Variants in SHPRH observed in about 807,000 individuals in gnomAD.
The protein encoded by SHPRH is SNF2 histone linker PHD RING helicase.
Under a neutral mutation model 202.5 loss-of-function variants are expected in SHPRH, and 106 were observed. That is an observed-to-expected ratio of 0.52 (90% CI 0.45 to 0.62). SHPRH has a LOEUF of 0.62. SHPRH is among the 20% of genes least tolerant of loss of function. The pLI, the probability that SHPRH is intolerant of heterozygous loss-of-function variation, is 0.00. For synonymous variants in SHPRH, 729 were observed against 686.0 expected (o/e 1.06, Z -0.98); for missense variants, 1,710 against 2,020.0 (o/e 0.85, Z 2.94).
Position 145,933,190 on chromosome 6 carries a change from G to C in SHPRH, c.2991-12C>G. ...CCATTGTCATGGTGCTAAAAGAAAAGGTAGACTGTTCAAAACTAGAAAGAA... is the reference window on the plus strand; with the variant it reads ...CCATTGTCATGGTGCTAAAAGAAAACGTAGACTGTTCAAAACTAGAAAGAA... On this transcript the variant is annotated splice_polypyrimidine_tract_variant and intron_variant, in intron 13 of 29. Coordinates refer to ENST00000275233, the MANE Select transcript of SHPRH (RefSeq NM_001042683.3). The C allele has an allele frequency of 1.2e-6, 2 of 1,613,742 alleles. No homozygotes were observed. Among genetic ancestry groups the C allele is most frequent in the Non-Finnish European group, 1.7e-6 (2 of 1,179,838 alleles).
chr6:145,903,483 T>C (rs1782685234), intron 25 of SHPRH: 1 of 152,044 alleles, frequency 6.6e-6, no homozygotes, highest in South Asian at 2.1e-4. Context: ...TCAAGAGATA[T>C]GCTTGCTAAA....
chr6:145,892,808 A>G (rs1373467361), intron 28 of SHPRH, among the ~76,000 whole-genome samples: 1 of 152,082 alleles, frequency 6.6e-6, no homozygotes, highest in Non-Finnish European at 1.5e-5. Context: ...TCAGTCATGT[A>G]CAAGGTATGT....
intron 24 of SHPRH, 113 bp downstream of exon 24, chr6:145,913,365 C>G (rs536754079): frequency 5.7e-4 from 524 of 915,392 alleles, no homozygotes; most frequent in Non-Finnish European, 7.8e-4. Flanking sequence ...AATGGTAATA[C>G]TTGCCTTTCA....
At chr6:145,962,707 C>T (rs1404645136) in intron 1 of SHPRH, among the ~76,000 whole-genome samples, 1 of 152,076 alleles carries the variant, frequency 6.6e-6, no homozygotes, top group Non-Finnish European at 1.5e-5. Context: ...TGGGTTTAGG[C>T]TATTAAGGGC....
At chr6:145,873,317 T>A (rs1009712904) in intron 2 of SHPRH, among the ~76,000 whole-genome samples, 1 of 152,186 alleles carries the variant, frequency 6.6e-6, no homozygotes, top group East Asian at 1.9e-4. Flanking sequence ...ATGTGAAGGA[T>A]GAGAGAAGAA....
chr6:145,910,582 T>C lies in SHPRH; in HGVS notation c.4381A>G (p.Ile1461Val). 6.2e-7 allele frequency: 1 copy of C among 1,612,900 alleles called. No individual in the cohort carries two copies. The highest frequency in any genetic ancestry group is 8.5e-7 in the Non-Finnish European group (1 of 1,179,526). The change falls in exon 25 of 30, where the codon ATT (isoleucine) becomes GTT (valine). Residue 1461 changes from isoleucine to valine, a missense_variant. Ile to Val is a conservative substitution (Grantham distance 29, BLOSUM62 3). Transcript: ENST00000275233. Reference sequence around the variant, plus strand: ...TGAGATCCCACGCTGTATTGTTCAATAATTATAGAAATGCATTCATTACAG... The same window carrying C: ...TGAGATCCCACGCTGTATTGTTCAACAATTATAGAAATGCATTCATTACAG... ...CFCNECISII[I>V]EQYSVGSHRS...
downstream of SHPRH, chr6:145,864,225 T>G (rs1348118264): frequency 1.0e-5 from 2 of 198,600 alleles, no homozygotes; most frequent in Non-Finnish European, 2.3e-5. Flanking sequence ...GTTTCACAAT[T>G]CCTTAATTTA....
downstream of SHPRH, among the ~76,000 whole-genome samples, chr6:145,879,817 C>T (rs1780471498): frequency 6.9e-6 from 1 of 144,160 alleles, no homozygotes; most frequent in Non-Finnish European, 1.5e-5. Context: ...GAGGCTGAGG[C>T]AGGAGAATTG....
chr6:145,900,396 G>C (rs1256613766), intron 25 of SHPRH, among the ~76,000 whole-genome samples: 1 of 152,030 alleles, frequency 6.6e-6, no homozygotes. Context: ...AAATAAACCA[G>C]GCACAGAAAA....
At chr6:145,881,316 G>A (rs759819908), downstream of SHPRH, among the ~76,000 whole-genome samples, 72 of 152,308 alleles carry the variant, frequency 4.7e-4, no homozygotes, top group Non-Finnish European at 7.6e-4. Flanking sequence ...TTAACTTACA[G>A]TTCCTCATGG....
Position 145,945,395 on chromosome 6 carries a change from T to C in SHPRH, c.1564A>G (p.Lys522Glu). Residue 522 changes from lysine to glutamate, a missense_variant, in exon 8 of 30, where the codon AAA becomes GAA. Around this residue, in one of 8 missense-constraint regions of SHPRH, gnomAD observed 348 missense variants for 356.9 expected, o/e 0.97. Transcript: ENST00000275233. ...AGCTCTGTTACCTGCTTTTTTGTTT[T>C]ATCACATATATCCTCTTCCTTGTAA... ...KNYKEEDICD[K>E]TKKQAVGSPR... is the part of the protein sequence containing the mutation. The C allele has an allele frequency of 6.2e-7, 1 of 1,609,052 alleles. No homozygotes were observed. Among genetic ancestry groups the C allele is most frequent in the Non-Finnish European group, 8.5e-7 (1 of 1,178,252 alleles).
chr6:145,923,879 A>C, intron 17 of SHPRH, 94 bp from the exon 18 acceptor site: 7 of 1,277,288 alleles, frequency 5.5e-6, no homozygotes, highest in South Asian at 1.6e-5. Context: ...AATTCAAAGA[A>C]AGTAATAAAT....
chr6:145,879,031 A>G (rs1199210606), intron 2 of SHPRH, among the ~76,000 whole-genome samples: 1 of 152,218 alleles, frequency 6.6e-6, no homozygotes. Context: ...CTAAATTTAA[A>G]TATGAAACAG....
chr6:145,878,231 A>G (rs1780392097), intron 2 of SHPRH, among the ~76,000 whole-genome samples: 1 of 151,958 alleles, frequency 6.6e-6, no homozygotes, highest in South Asian at 2.1e-4. Context: ...CCTCCCCCCA[A>G]CCCCATGCAC....
chr6:145,934,205 C>T (rs1785784652), intron 13 of SHPRH, among the ~76,000 whole-genome samples: 1 of 151,898 alleles, frequency 6.6e-6, no homozygotes, highest in South Asian at 2.1e-4. Flanking sequence ...GGCGTGGTGG[C>T]TCACGCCTGT....
intron 2 of SHPRH, among the ~76,000 whole-genome samples, chr6:145,868,148 T>G (rs913686776): frequency 2.6e-5 from 4 of 152,200 alleles, no homozygotes; most frequent in African/African-American, 4.8e-5. Flanking sequence ...TGACATAGTT[T>G]TCCCTCTGTA....
At chr6:145,913,295 G>C (rs1220880463) in intron 24 of SHPRH, among the ~76,000 whole-genome samples, 183 bp downstream of exon 24, 1 of 152,070 alleles carries the variant, frequency 6.6e-6, no homozygotes, top group African/African-American at 2.4e-5. Flanking sequence ...TTTAAGAAAA[G>C]CATTGCTCAA....
At chr6:145,882,856 G>A (rs1042412238), downstream of SHPRH, among the ~76,000 whole-genome samples, 2 of 152,132 alleles carry the variant, frequency 1.3e-5, no homozygotes, top group African/African-American at 4.8e-5. Context: ...ATGCAGAAAC[G>A]ATTTCTAAGG....
At chr6:145,913,749 G>A (rs908828670) in intron 23 of SHPRH, among the ~76,000 whole-genome samples, 200 bp from the exon 24 acceptor site, 1 of 152,012 alleles carries the variant, frequency 6.6e-6, no homozygotes, top group Non-Finnish European at 1.5e-5. Flanking sequence ...TATTCAAGGA[G>A]TGAACAAAAA....
Sources: allele counts gnomAD v4.1 joint callset (sites outside exome capture counted in the v4.1 genomes callset), GRCh38; gene constraint gnomAD v4.1.1; regional missense constraint gnomAD v4.1.1; transcripts MANE v1.5; gene names NCBI Gene and HGNC (gene_info 2026-07-23, HGNC 2026-07-21).